Variants in NRP1 observed in about 807,000 individuals in gnomAD.
The protein encoded by NRP1 is neuropilin-1.
In NRP1, 35 loss-of-function variants were observed where a neutral mutation model predicts 106.7. The observed-to-expected ratio is 0.33, with a 90% confidence interval of 0.25 to 0.43. The LOEUF (loss-of-function observed/expected upper bound fraction) is 0.43, where lower values mean the gene tolerates loss of function less well. Among genes scored for constraint, NRP1 ranks in the 20% least tolerant of loss-of-function variants. The probability of loss-of-function intolerance (pLI) is 1.00; values close to 1 mark genes in which losing one functional copy is unlikely to be tolerated. For missense variants in NRP1, 1,024 were observed against 1,170.4 expected, an observed-to-expected ratio of 0.87 and a Z score of 1.83; for synonymous variants, 437 against 417.9, an observed-to-expected ratio of 1.05 and a Z score of -0.56.
intron 8 of NRP1, among the ~76,000 whole-genome samples, chr10:33,221,041 A>G (rs1251176356): frequency 6.6e-6 from 1 of 152,018 alleles, no homozygotes; most frequent in African/African-American, 2.4e-5. Context: ...GACCAGCCCA[A>G]GCAACATAGG....
chr10:33,299,748 T>C (rs1173803209), intron 2 of NRP1, among the ~76,000 whole-genome samples: 1 of 152,180 alleles, frequency 6.6e-6, no homozygotes, highest in Non-Finnish European at 1.5e-5. Context: ...ATTGCATCAC[T>C]GCTCTCCAGA....
At chr10:33,311,561 T>A (rs934356658) in intron 2 of NRP1, among the ~76,000 whole-genome samples, 13 of 152,340 alleles carry the variant, frequency 8.5e-5, no homozygotes, top group African/African-American at 2.9e-4. Context: ...CTATCAGCTG[T>A]CACAGTGATC....
intron 6 of NRP1, among the ~76,000 whole-genome samples, chr10:33,241,258 C>G (rs1276738652): frequency 6.6e-6 from 1 of 152,126 alleles, no homozygotes; most frequent in African/African-American, 2.4e-5. Flanking sequence ...CAAGGCATAG[C>G]ATTATTCCGT....
chr10:33,239,077 G>A (rs1473857836), intron 6 of NRP1, among the ~76,000 whole-genome samples: 1 of 152,032 alleles, frequency 6.6e-6, no homozygotes, highest in African/African-American at 2.4e-5. Flanking sequence ...GATCACTTGA[G>A]CTCAGGAGTT....
chr10:33,324,478 T>C (rs1399232766), intron 2 of NRP1, among the ~76,000 whole-genome samples: 6 of 152,184 alleles, frequency 3.9e-5, no homozygotes, highest in African/African-American at 1.4e-4. Context: ...AGGCTCCAGA[T>C]TGAAAAGTTT....
At chr10:33,197,583 G>T (rs1032527710) in intron 12 of NRP1, 67 bp downstream of exon 12, 44 of 1,270,578 alleles carry the variant, frequency 3.5e-5, no homozygotes, top group Non-Finnish European at 4.8e-5. Context: ...AACTGAAAGC[G>T]AGGAGCGCAG....
chr10:33,211,476 G>C (rs1264151803), intron 9 of NRP1: 1 of 152,126 alleles, frequency 6.6e-6, no homozygotes, highest in South Asian at 2.1e-4. Context: ...AAATGAAAGG[G>C]ACACAAGAAA....
chr10:33,207,379 A>G (rs1837871481), intron 10 of NRP1, among the ~76,000 whole-genome samples, 193 bp downstream of exon 10: 1 of 152,090 alleles, frequency 6.6e-6, no homozygotes, highest in Admixed American at 6.5e-5. Context: ...AACCCAAGAC[A>G]AAAGTAGGAC....
chr10:33,249,407 G>A (rs777568596), intron 6 of NRP1: 1 of 510,278 alleles, frequency 2.0e-6, no homozygotes, highest in South Asian at 1.5e-5. Context: ...GAGAGAGCCT[G>A]AATGGAGTGA....
intron 2 of NRP1, among the ~76,000 whole-genome samples, chr10:33,294,171 C>T (rs1334320288): frequency 2.6e-5 from 4 of 152,166 alleles, no homozygotes; most frequent in Admixed American, 2.0e-4. Flanking sequence ...GGGGGTCCTA[C>T]ATATCTCAAA....
intron 2 of NRP1, among the ~76,000 whole-genome samples, chr10:33,274,386 T>G (rs1194903775): frequency 6.6e-6 from 1 of 152,200 alleles, no homozygotes; most frequent in African/African-American, 2.4e-5. Context: ...AGAATAAAGA[T>G]TTCTTTCTAA....
At chr10:33,299,986 A>G (rs867707894) in intron 2 of NRP1, among the ~76,000 whole-genome samples, 1 of 152,172 alleles carries the variant, frequency 6.6e-6, no homozygotes, top group Admixed American at 6.5e-5. Context: ...AGCCACTCGA[A>G]AAAGTTCACA....
chr10:33,180,369 T>C lies in NRP1; in HGVS notation c.2483-4A>G, dbSNP rs766061726. The stretch of plus-strand genomic sequence containing the variant: ...CCTTCGTATCCTGGCGTGCTCCCTA[T>C]GGAAAAAAACAATATTGTCTCCGTG... On this transcript the variant is annotated splice_region_variant and splice_polypyrimidine_tract_variant and intron_variant, in intron 16 of 16. Coordinates refer to ENST00000374867, the MANE Select transcript of NRP1 (RefSeq NM_003873.7). 9 of 1,572,556 alleles carry C rather than the reference T, an allele frequency of 5.7e-6. No homozygotes were observed. The South Asian group carries it at 1.0e-4, about 18-fold the overall frequency.
chr10:33,192,110 G>C (rs1277471979), intron 13 of NRP1, among the ~76,000 whole-genome samples, 171 bp downstream of exon 13: 1 of 151,842 alleles, frequency 6.6e-6, no homozygotes, highest in Non-Finnish European at 1.5e-5. Context: ...TATGCTTCTC[G>C]CTACTAGGGA....
intron 8 of NRP1, among the ~76,000 whole-genome samples, chr10:33,216,431 GC>G (rs1221629249): frequency 6.6e-6 from 1 of 150,854 alleles, no homozygotes; most frequent in Non-Finnish European, 1.5e-5. Flanking sequence ...ACGGCGCCTG[GC>G]CCCTCTACAC....
Position 33,186,221 on chromosome 10 carries a change from T to A in NRP1, c.2330A>T (p.Tyr777Phe), listed in dbSNP as rs1409925844. ...RVLLHKSLKL[Y>F]QVIFEGEIGK... ...AGCCTTGGGAAGAGGTCATACCTGA[T>A]AAAGTTTCAGAGACTTGTGGAGCAA... is the stretch of plus-strand genomic sequence containing the variant. Residue 777 changes from tyrosine (Y) to phenylalanine (F), a missense_variant, in exon 14 of 17, where the codon TAT (tyrosine) becomes TTT (phenylalanine). By Grantham distance (22) the Tyr-to-Phe change is conservative (BLOSUM62 3). Coordinates refer to ENST00000374867, the MANE Select transcript of NRP1 (RefSeq NM_003873.7). The A allele has an allele frequency of 6.3e-7, 1 of 1,598,360 alleles. No individual in the cohort carries two copies. Among genetic ancestry groups the A allele is most frequent in the African/African-American group, 1.3e-5 (1 of 74,716 alleles).
intron 9 of NRP1, chr10:33,211,592 C>A (rs879505118): frequency 6.6e-6 from 1 of 152,170 alleles, no homozygotes; most frequent in African/African-American, 2.4e-5. Context: ...CTGATGGCAC[C>A]CAGCCCTGCC....
chr10:33,215,625 T>A (rs2300949), intron 8 of NRP1, among the ~76,000 whole-genome samples: 42,734 of 152,012 alleles, frequency 0.28, 6,426 homozygotes, highest in East Asian at 0.62. Context: ...AATTCTGCGT[T>A]ATATAATAAA....
chr10:33,227,750 T>C (rs1839786924), intron 6 of NRP1, among the ~76,000 whole-genome samples: 2 of 152,228 alleles, frequency 1.3e-5, no homozygotes, highest in East Asian at 3.9e-4. Context: ...GGGTCTGTGT[T>C]TTCATCCCAG....
Sources: gnomAD v4.1 joint callset for allele counts (sites outside exome capture counted in the v4.1 genomes callset) on GRCh38, gnomAD v4.1.1 for gene constraint, MANE v1.5 for transcripts, NCBI Gene and HGNC (gene_info 2026-07-23, HGNC 2026-07-21) for gene names.